The following TENM3 variants were observed in gnomAD, a reference collection of about 807,000 sequenced individuals.
TENM3 encodes the protein teneurin-3.
TENM3 carries 63 observed loss-of-function variants against 255.1 expected under a neutral mutation model. The observed-to-expected ratio is 0.25, with a 90% CI of 0.20 to 0.30. TENM3 has a LOEUF of 0.30. TENM3 is among the 10% of genes least tolerant of loss of function. The pLI is 1.00. For missense variants in TENM3, 2,929 were observed against 3,461.1 expected (o/e 0.85, Z 3.86); for synonymous variants, 1,306 against 1,322.3 (o/e 0.99, Z 0.27).
chr4:181,951,922 T>C, the TENM3 span, among the ~76,000 whole-genome samples: 1 of 152,216 alleles, frequency 6.6e-6, no homozygotes, highest in African/African-American at 2.4e-5. Context: ...TCTTTATATA[T>C]TGTAGGGTTT....
At chr4:182,675,099 C>G (rs796313726) in intron 7 of TENM3, among the ~76,000 whole-genome samples, 3 of 151,472 alleles carry the variant, frequency 2.0e-5, no homozygotes, top group African/African-American at 7.3e-5. Flanking sequence ...TGGTCCCGAA[C>G]TCCCAACCTC....
the TENM3 span, among the ~76,000 whole-genome samples, chr4:181,808,859 CTACAGGACAA>C: frequency 6.6e-6 from 1 of 152,168 alleles, no homozygotes; most frequent in Admixed American, 6.5e-5. Context: ...CATTCAACAG[CTACAGGACAA>C]TACGTCCCAT....
At chr4:182,635,599 A>T (rs1751775407) in intron 5 of TENM3, among the ~76,000 whole-genome samples, 1 of 152,220 alleles carries the variant, frequency 6.6e-6, no homozygotes, top group African/African-American at 2.4e-5. Context: ...AAACCGGAGA[A>T]CTACTCAAAT....
the TENM3 span, among the ~76,000 whole-genome samples, chr4:181,927,749 T>C: frequency 6.6e-6 from 1 of 152,016 alleles, no homozygotes; most frequent in South Asian, 2.1e-4. Flanking sequence ...CCAGCACGGG[T>C]CGACAGACAC....
chr4:181,875,283 C>A, the TENM3 span, among the ~76,000 whole-genome samples: 2 of 152,162 alleles, frequency 1.3e-5, no homozygotes, highest in Non-Finnish European at 2.9e-5. Flanking sequence ...AATGACCTGG[C>A]TATCCTATTT....
At chr4:181,866,849 T>C in the TENM3 span, among the ~76,000 whole-genome samples, 1 of 152,154 alleles carries the variant, frequency 6.6e-6, no homozygotes, top group Non-Finnish European at 1.5e-5. Flanking sequence ...TCTGATTGCT[T>C]CCTCCCTCCT....
the TENM3 span, among the ~76,000 whole-genome samples, chr4:181,961,730 A>T: frequency 6.6e-6 from 1 of 152,194 alleles, no homozygotes; most frequent in Non-Finnish European, 1.5e-5. Context: ...AATAGTCAAC[A>T]TATAATGTTT....
chr4:182,418,419 G>A (rs982253622), intron 3 of TENM3, among the ~76,000 whole-genome samples: 1 of 152,108 alleles, frequency 6.6e-6, no homozygotes, highest in Non-Finnish European at 1.5e-5. Flanking sequence ...TTTGCCAGGG[G>A]GTCACAGACA....
chr4:182,120,192 G>T, the TENM3 span, among the ~76,000 whole-genome samples: 1 of 151,854 alleles, frequency 6.6e-6, no homozygotes, highest in Admixed American at 6.6e-5. Flanking sequence ...TCTATGTTTT[G>T]ATGTTCTTAG....
intron 1 of TENM3, among the ~76,000 whole-genome samples, chr4:182,299,575 G>A (rs1761722674): frequency 6.6e-6 from 1 of 152,192 alleles, no homozygotes; most frequent in Non-Finnish European, 1.5e-5. Flanking sequence ...CAGAAATTAG[G>A]AAGGAACACT....
At chr4:182,676,354 C>T (rs1433074679) in intron 7 of TENM3, among the ~76,000 whole-genome samples, 3 of 152,156 alleles carry the variant, frequency 2.0e-5, no homozygotes, top group African/African-American at 4.8e-5. Flanking sequence ...AGGCTGTTGT[C>T]GAATAGGAGT....
At chr4:181,957,660 T>C in the TENM3 span, among the ~76,000 whole-genome samples, 1 of 152,156 alleles carries the variant, frequency 6.6e-6, no homozygotes, top group African/African-American at 2.4e-5. Context: ...ACCCTGAACA[T>C]CCTAACAATT....
At chr4:182,352,971 G>A (rs1387318633) in intron 3 of TENM3, among the ~76,000 whole-genome samples, 1 of 152,084 alleles carries the variant, frequency 6.6e-6, no homozygotes, top group Non-Finnish European at 1.5e-5. Context: ...GGAAATAGAC[G>A]GACTTGTAGC....
chr4:182,743,035 T>C, intron 18 of TENM3, 135 bp from the exon 19 acceptor site: 1 of 919,740 alleles, frequency 1.1e-6, no homozygotes. Flanking sequence ...TTCATTCCAA[T>C]GGAGCTTCAA....
chr4:182,688,437 A>G (rs1756762827), intron 12 of TENM3, 86 bp downstream of exon 12: 3 of 1,082,204 alleles, frequency 2.8e-6, no homozygotes, highest in Non-Finnish European at 2.5e-6. Flanking sequence ...GAAAAAGCCT[A>G]TTTCTTTACG....
chr4:181,807,669 C>A, the TENM3 span, among the ~76,000 whole-genome samples: 68 of 152,258 alleles, frequency 4.5e-4, no homozygotes, highest in Admixed American at 1.7e-3. Context: ...AGGAACATTT[C>A]TATCATATCT....
chr4:181,468,954 G>C, the TENM3 span, among the ~76,000 whole-genome samples: 1 of 152,010 alleles, frequency 6.6e-6, no homozygotes, highest in African/African-American at 2.4e-5. Context: ...CTTCCTTTTG[G>C]TATATCAGTT....
the TENM3 span, among the ~76,000 whole-genome samples, chr4:181,650,164 T>G: frequency 3.3e-5 from 5 of 152,188 alleles, no homozygotes; most frequent in South Asian, 1.0e-3. Flanking sequence ...ACTCTGGCTG[T>G]TCTTAAATTC....
At chr4:181,681,993 T>TA in the TENM3 span, among the ~76,000 whole-genome samples, 14 of 152,230 alleles carry the variant, frequency 9.2e-5, no homozygotes, top group East Asian at 2.7e-3. Context: ...GCAAATGTCA[T>TA]ACATGAAAGT....
Sources: gnomAD v4.1 joint callset for allele counts (sites outside exome capture counted in the v4.1 genomes callset) on GRCh38, gnomAD v4.1.1 for gene constraint, MANE v1.5 for transcripts, NCBI Gene and HGNC (gene_info 2026-07-23, HGNC 2026-07-21) for gene names.